Variants in CMIP observed in about 807,000 individuals in gnomAD.
CMIP encodes c-Maf inducing protein, also known as C-Maf-inducing protein.
In CMIP, 13 loss-of-function variants were observed where a neutral mutation model predicts 97.3. That is an observed-to-expected ratio of 0.13 (90% CI 0.09 to 0.21). CMIP has a LOEUF of 0.21. Among genes scored for constraint, CMIP ranks in the 10% least tolerant of loss-of-function variants. The pLI, the probability that CMIP is intolerant of heterozygous loss-of-function variation, is 1.00. For missense variants in CMIP, 847 were observed against 1,024.9 expected, an observed-to-expected ratio of 0.83 and a Z score of 2.37; for synonymous variants, 538 against 436.3, an observed-to-expected ratio of 1.23 and a Z score of -2.91.
chr16:81,703,094 C>T (rs1182110049), intron 17 of CMIP, among the ~76,000 whole-genome samples: 1 of 152,126 alleles, frequency 6.6e-6, no homozygotes, highest in Non-Finnish European at 1.5e-5. Flanking sequence ...TTATATTTGA[C>T]ACATGGCTTC....
chr16:81,544,718 T>A (rs2090512691), intron 1 of CMIP, among the ~76,000 whole-genome samples: 1 of 151,176 alleles, frequency 6.6e-6, no homozygotes. Context: ...TGGAATGTTG[T>A]GTGTATATGT....
intron 1 of CMIP, among the ~76,000 whole-genome samples, chr16:81,476,889 C>G (rs1402485625): frequency 6.6e-6 from 1 of 152,132 alleles, no homozygotes; most frequent in Non-Finnish European, 1.5e-5. Flanking sequence ...AGTTCAGCTT[C>G]TCAGGCTCCC....
chr16:81,507,416 G>A (rs1216303288), intron 1 of CMIP, among the ~76,000 whole-genome samples: 1 of 152,218 alleles, frequency 6.6e-6, no homozygotes, highest in Non-Finnish European at 1.5e-5. Context: ...GCTAAATTGG[G>A]TGTGTCCTCT....
intron 1 of CMIP, among the ~76,000 whole-genome samples, chr16:81,560,004 G>A (rs62046640): frequency 0.15 from 22,300 of 151,450 alleles, 1,899 homozygotes; most frequent in African/African-American, 0.24. Flanking sequence ...AAAAATTAGC[G>A]GGGCATAGTG....
intron 1 of CMIP, among the ~76,000 whole-genome samples, chr16:81,492,123 G>A (rs2089416038): frequency 6.6e-6 from 1 of 152,194 alleles, no homozygotes; most frequent in Admixed American, 6.5e-5. Context: ...AAAATTCCCA[G>A]GAGGGAGATT....
intron 1 of CMIP, among the ~76,000 whole-genome samples, chr16:81,463,615 G>A (rs530939723): frequency 6.6e-6 from 1 of 152,166 alleles, no homozygotes; most frequent in Non-Finnish European, 1.5e-5. Context: ...GGGCTGGACC[G>A]GGTGAAATAA....
chr16:81,663,070 C>T (rs1285694579), intron 6 of CMIP, among the ~76,000 whole-genome samples: 2 of 148,434 alleles, frequency 1.3e-5, no homozygotes, highest in East Asian at 2.0e-4. Context: ...CAAACAAAAG[C>T]TCTCATCTCG....
intron 1 of CMIP, among the ~76,000 whole-genome samples, chr16:81,516,456 G>A (rs953005103): frequency 2.6e-5 from 4 of 152,172 alleles, no homozygotes; most frequent in East Asian, 1.9e-4. Context: ...GATACGTGCC[G>A]TGTTCCAGGC....
intron 1 of CMIP, among the ~76,000 whole-genome samples, chr16:81,497,544 G>T (rs1355133960): frequency 6.6e-6 from 1 of 152,186 alleles, no homozygotes; most frequent in African/African-American, 2.4e-5. Flanking sequence ...AGCCCTACGG[G>T]GCCTTAGGAC....
In CMIP at chr16:81,511,032, A is replaced by G. The variant is rs371660808; in HGVS notation, c.300+65491A>G. On this transcript the variant is annotated intron_variant, in intron 1 of 20. Coordinates refer to ENST00000537098, the MANE Select transcript of CMIP (RefSeq NM_198390.3). ...ACAGCTGCCAGCCTAACTTTGGGAA[A>G]TTTTAAAACATATACTGAGAGCATG... Among the ~76,000 whole-genome samples the G allele has an allele frequency of 2.0e-3, 304 of 152,096 alleles. 1 individual carries two copies. Among genetic ancestry groups the G allele is most frequent in the Non-Finnish European group, 3.0e-3 (205 of 68,022 alleles).
intron 1 of CMIP, among the ~76,000 whole-genome samples, chr16:81,545,535 A>G (rs1020382354): frequency 6.6e-6 from 1 of 152,182 alleles, no homozygotes; most frequent in Non-Finnish European, 1.5e-5. Flanking sequence ...TTTAATCCAC[A>G]CAGCTTATGT....
At chr16:81,468,237 C>T (rs886539281) in intron 1 of CMIP, among the ~76,000 whole-genome samples, 4 of 152,220 alleles carry the variant, frequency 2.6e-5, no homozygotes, top group Admixed American at 6.5e-5. Context: ...ATGTTCATCT[C>T]AGGCTCCCAA....
At chr16:81,564,709 G>A (rs2090948330) in intron 1 of CMIP, among the ~76,000 whole-genome samples, 1 of 152,200 alleles carries the variant, frequency 6.6e-6, no homozygotes, top group Non-Finnish European at 1.5e-5. Flanking sequence ...TGATGCTGAT[G>A]ACCCTGCAGA....
chr16:81,477,813 C>T (rs946677300), intron 1 of CMIP, among the ~76,000 whole-genome samples: 13 of 152,330 alleles, frequency 8.5e-5, no homozygotes, highest in Admixed American at 7.2e-4. Flanking sequence ...CAAGTTCCTG[C>T]CATTTTGCCT....
At chr16:81,466,357 G>A (rs1277739782) in intron 1 of CMIP, among the ~76,000 whole-genome samples, 15 of 152,242 alleles carry the variant, frequency 9.9e-5, no homozygotes, top group Admixed American at 9.8e-4. Context: ...CACTAGGCCT[G>A]GCCTCTTTCC....
chr16:81,471,546 CACACAT>C (rs1212740248), intron 1 of CMIP, among the ~76,000 whole-genome samples: 1 of 134,810 alleles, frequency 7.4e-6, no homozygotes, highest in Non-Finnish European at 1.7e-5. Flanking sequence ...TGTACACATA[CACACAT>C]GTGCACACAC....
intron 1 of CMIP, among the ~76,000 whole-genome samples, chr16:81,529,811 C>T (rs1390183712): frequency 6.6e-6 from 1 of 152,194 alleles, no homozygotes; most frequent in Non-Finnish European, 1.5e-5. Context: ...CAAGGATACT[C>T]CTTCTCCTCT....
At chr16:81,662,611 C>A (rs1329431884) in intron 6 of CMIP, among the ~76,000 whole-genome samples, 1 of 152,158 alleles carries the variant, frequency 6.6e-6, no homozygotes, top group Non-Finnish European at 1.5e-5. Context: ...TGCCAAATTC[C>A]AAGATCTGAG....
At chr16:81,494,161 G>A (rs1255833288) in intron 1 of CMIP, among the ~76,000 whole-genome samples, 4 of 152,154 alleles carry the variant, frequency 2.6e-5, no homozygotes, top group Admixed American at 6.5e-5. Flanking sequence ...CAGTCACCGG[G>A]GGAATCGGGG....
Sources: allele counts gnomAD v4.1 joint callset (sites outside exome capture counted in the v4.1 genomes callset), GRCh38; gene constraint gnomAD v4.1.1; transcripts MANE v1.5; gene names NCBI Gene and HGNC (gene_info 2026-07-23, HGNC 2026-07-21).